Variants in BLM observed in about 807,000 individuals in gnomAD.
BLM encodes the protein BLM RecQ like helicase, also known as recQ-like DNA helicase BLM.
In BLM, 95 loss-of-function variants were observed where a neutral mutation model predicts 135.3. The ratio of observed to expected loss-of-function variants is 0.70; its 90% confidence interval spans 0.59 to 0.83. BLM has a LOEUF of 0.83. BLM is among the 40% of genes least tolerant of loss of function. The pLI, the probability that BLM is intolerant of heterozygous loss-of-function variation, is 0.00. For synonymous variants in BLM, 520 were observed against 589.2 expected, an observed-to-expected ratio of 0.88 and a Z score of 1.70; for missense variants, 1,518 against 1,663.9, an observed-to-expected ratio of 0.91 and a Z score of 1.53.
At position 90,760,908 on chromosome 15, in the gene BLM, GA is replaced by G. The variant is rs367543043; in HGVS notation, c.1544del (p.Asn515MetfsTer16). 9.3e-6 allele frequency: 15 copies of G among 1,608,492 alleles called. No homozygotes were observed. The highest frequency in any genetic ancestry group is 2.7e-5 in the African/African-American group (2 of 74,108). ...SSNWAETPRL[G>X]KKNESSYFPG... ...AACTGGGCTGAAACACCAAGACTAG[GA>G]AAAAAAAATGAAAGCTCTTATTTCC... On this transcript the variant is annotated frameshift_variant, in exon 7 of 22. Transcript: ENST00000355112. LOFTEE classifies it high-confidence loss of function.
At chr15:90,785,899 T>C (rs1474620629) in intron 14 of BLM, among the ~76,000 whole-genome samples, 2 of 152,280 alleles carry the variant, frequency 1.3e-5, no homozygotes, top group Non-Finnish European at 2.9e-5. Flanking sequence ...GAGTACTTCA[T>C]ACCTTTTTAT....
chr15:90,788,106 A>G (rs1001874181), intron 14 of BLM, among the ~76,000 whole-genome samples: 2 of 152,224 alleles, frequency 1.3e-5, no homozygotes, highest in Admixed American at 6.5e-5. Flanking sequence ...AAGGGAAAAA[A>G]GAGATTAAAA....
intron 5 of BLM, among the ~76,000 whole-genome samples, chr15:90,756,577 A>G (rs1435973460): frequency 6.6e-6 from 1 of 152,240 alleles, no homozygotes; most frequent in Non-Finnish European, 1.5e-5. Context: ...TCTCTGTATC[A>G]TTAAGTTTCA....
chr15:90,740,802 C>T (rs1895344395), intron 1 of BLM, among the ~76,000 whole-genome samples: 1 of 152,130 alleles, frequency 6.6e-6, no homozygotes, highest in Non-Finnish European at 1.5e-5. Context: ...AGGCAGTTCC[C>T]CTGCACACAC....
rs16944796 is a variant in BLM, at chr15:90,772,121, G to C, written c.2555+2535G>C. Among the ~76,000 whole-genome samples the C allele has an allele frequency of 9.4e-3, 1,427 of 152,266 alleles. 18 individuals are homozygous for C. The highest frequency in any genetic ancestry group is 0.032 in the African/African-American group (1,337 of 41,542). ...GCATTTGGAAGTAGGAAATTTTAAGGAATACTTTCTGGGACTCTGTTTCCT... is the reference window on the plus strand; with the variant it reads ...GCATTTGGAAGTAGGAAATTTTAAGCAATACTTTCTGGGACTCTGTTTCCT... On this transcript the variant is annotated intron_variant, in intron 12 of 21. Transcript: ENST00000355112.
At position 90,790,738 on chromosome 15, in the gene BLM, G is replaced by A. The variant is rs2151184576; in HGVS notation, c.2913G>A (p.Glu971=). 2.5e-6 allele frequency: 4 copies of A among 1,614,136 alleles called. No homozygotes were observed. Among genetic ancestry groups the A allele is most frequent in the Non-Finnish European group, 3.4e-6 (4 of 1,179,990 alleles). ...ATGCATCTCTCCCTAAATCTGTGGA[G>A]GGTTACTACCAAGAATCTGGCAGAG... The part of the protein sequence containing the change: ...VIHASLPKSV[E]GYYQESGRAG... Residue 971 remains glutamate, a synonymous_variant, in exon 15 of 22, where the codon GAG becomes GAA. Transcript: ENST00000355112.
At chr15:90,784,327 C>T (rs542912995) in intron 13 of BLM, among the ~76,000 whole-genome samples, 64 of 70,026 alleles carry the variant, frequency 9.1e-4, no homozygotes, top group South Asian at 1.6e-3. Context: ...AATGGCTTTT[C>T]TTTTTTTTTT....
rs1022898915 is a variant in BLM at position 90,754,915 on chromosome 15, C to G, written c.1064C>G (p.Pro355Arg). ...AAAATGAGTATGCAGGAGCTGAATC[C>G]AGAAACCAGCACAGACTGTGACGGT... ...PEKMSMQELN[P>R]ETSTDCDARQ... The change falls in exon 5 of 22, where the codon CCA (proline) becomes CGA (arginine). Residue 355 changes from proline to arginine, a missense_variant. By Grantham distance (103) the Pro-to-Arg change is moderately radical (BLOSUM62 -2). Transcript: ENST00000355112. 4.3e-6 allele frequency: 7 copies of G among 1,613,756 alleles called. No homozygotes were observed. The highest frequency in any genetic ancestry group is 5.9e-6 in the Non-Finnish European group (7 of 1,179,974).
chr15:90,807,905 C>G (rs752006892), intron 19 of BLM, among the ~76,000 whole-genome samples: 10 of 152,226 alleles, frequency 6.6e-5, no homozygotes, highest in Non-Finnish European at 1.2e-4. Context: ...TAAGTTCTCA[C>G]AAGCATGAGC....
Position 90,760,992 on chromosome 15 carries a change from TA to T in BLM, c.1622del (p.Asn541MetfsTer3). On this transcript the variant is annotated frameshift_variant, in exon 7 of 22. Transcript: ENST00000355112. LOFTEE classifies it high-confidence loss of function. ...VKDQNKHTASINDLERETQPS... is the reference protein window; with the variant it reads ...VKDQNKHTASXNDLERETQPS... ...GATCAGAATAAACATACTGCTTCAA[TA>T]AATGACTTAGAAAGAGAAACCCAAC... 1.9e-6 allele frequency: 3 copies of T among 1,611,132 alleles called. No individual in the cohort carries two copies. The highest frequency in any genetic ancestry group is 2.5e-6 in the Non-Finnish European group (3 of 1,179,108).
intron 1 of BLM, among the ~76,000 whole-genome samples, chr15:90,734,670 C>T (rs984480490): frequency 1.5e-4 from 21 of 137,616 alleles, no homozygotes; most frequent in Middle Eastern, 3.6e-3. Flanking sequence ...CACGCGCGCA[C>T]GCACGCACAC....
intron 1 of BLM, among the ~76,000 whole-genome samples, chr15:90,721,927 C>G (rs1311461640): frequency 6.7e-6 from 1 of 149,564 alleles, no homozygotes; most frequent in East Asian, 2.0e-4. Context: ...AAGACTGCAT[C>G]TCAAAAAAAA....
chr15:90,760,485 A>T, intron 6 of BLM, 109 bp from the exon 7 acceptor site: 1 of 1,336,492 alleles, frequency 7.5e-7, no homozygotes, highest in Non-Finnish European at 1.0e-6. Flanking sequence ...AAAAAAGCGA[A>T]TATATTTTGC....
At chr15:90,760,005 G>C in intron 5 of BLM, 142 bp from the exon 6 acceptor site, 1 of 702,908 alleles carries the variant, frequency 1.4e-6, no homozygotes, top group Non-Finnish European at 2.4e-6. Flanking sequence ...GCCCAGGCTG[G>C]TCTTGAACTC....
chr15:90,727,195 G>T (rs1162581853), intron 1 of BLM, among the ~76,000 whole-genome samples: 2 of 151,700 alleles, frequency 1.3e-5, no homozygotes, highest in South Asian at 2.1e-4. Flanking sequence ...AAAATTTTTT[G>T]TAGAGACGGA....
At chr15:90,722,518 C>T (rs969935928) in intron 1 of BLM, among the ~76,000 whole-genome samples, 5 of 151,902 alleles carry the variant, frequency 3.3e-5, no homozygotes, top group African/African-American at 1.2e-4. Flanking sequence ...ACCTGGGCAG[C>T]GGAGGTTGCA....
rs948263895 is a variant in BLM at position 90,809,313 on chromosome 15, C to T, written c.3874+54C>T. On this transcript the variant is annotated intron_variant, in intron 20 of 21. Coordinates refer to ENST00000355112, the MANE Select transcript of BLM (RefSeq NM_000057.4). ...AAAGCCTGTTTAATGTGAAGCGACG[C>T]GTCTCACTGAATTAGAAGGATGCAG... The T allele has an allele frequency of 5.6e-6, 9 of 1,612,462 alleles. No individual in the cohort carries two copies. In the East Asian group the frequency reaches 6.7e-5, roughly 12 times the overall value.
chr15:90,759,370 T>C (rs1235708020), intron 5 of BLM, among the ~76,000 whole-genome samples: 1 of 150,550 alleles, frequency 6.6e-6, no homozygotes, highest in Non-Finnish European at 1.5e-5. Context: ...GAGACCAGCC[T>C]GGGCAACATG....
chr15:90,758,720 ATCTG>A (rs1895883517), intron 5 of BLM, among the ~76,000 whole-genome samples: 1 of 152,104 alleles, frequency 6.6e-6, no homozygotes, highest in Non-Finnish European at 1.5e-5. Context: ...CTTATTTGAA[ATCTG>A]TCTTTCTTTA....
Sources: allele counts gnomAD v4.1 joint callset (sites outside exome capture counted in the v4.1 genomes callset), GRCh38; gene constraint gnomAD v4.1.1; transcripts MANE v1.5; gene names NCBI Gene and HGNC (gene_info 2026-07-23, HGNC 2026-07-21).